PKHD1L1: variants seen among roughly 807,000 people sequenced by gnomAD.
PKHD1L1 encodes the protein PKHD1 like 1.
A neutral mutation model predicts 462.9 loss-of-function variants in PKHD1L1; 434 were observed. That is an observed-to-expected ratio of 0.94 (90% CI 0.87 to 1.02). The LOEUF (loss-of-function observed/expected upper bound fraction) is 1.02, where lower values mean the gene tolerates loss of function less well. Ranked by LOEUF, PKHD1L1 falls within the 50% of genes least tolerant of loss-of-function variation. The pLI is 0.00. For missense variants in PKHD1L1, 5,202 were observed against 5,096.1 expected, an observed-to-expected ratio of 1.02 and a Z score of -0.63; for synonymous variants, 1,781 against 1,750.0, an observed-to-expected ratio of 1.02 and a Z score of -0.44.
In PKHD1L1 at chr8:109,405,141, A is replaced by C; in HGVS notation, c.1669+11A>C. 1 of 1,397,736 alleles carries C rather than the reference A, an allele frequency of 7.2e-7. No homozygotes were observed. The highest frequency in any genetic ancestry group is 1.4e-5 in the African/African-American group (1 of 69,020). 86.6% of individuals were successfully genotyped at this position (1,397,736 alleles called of 1,614,324 possible). On this transcript the variant is annotated intron_variant, in intron 16 of 77. Transcript: ENST00000378402. ...ATATGGAAAAAACTGGTAAGTTATA[A>C]ATAATAAGGGAGATACTGTTTCTGT...
chr8:109,506,347 G>A (rs1819691634), intron 68 of PKHD1L1, among the ~76,000 whole-genome samples: 1 of 152,150 alleles, frequency 6.6e-6, no homozygotes, highest in African/African-American at 2.4e-5. Flanking sequence ...TGCAGTCCCT[G>A]TAAAATGACT....
intron 32 of PKHD1L1, 117 bp from the exon 33 acceptor site, chr8:109,440,593 A>G (rs1815722363): frequency 1.2e-6 from 1 of 836,444 alleles, no homozygotes; most frequent in African/African-American, 1.7e-5. Flanking sequence ...TGAAAAAGTA[A>G]TGTACAGTTA....
intron 67 of PKHD1L1, among the ~76,000 whole-genome samples, chr8:109,501,657 A>G (rs1758601102): frequency 6.6e-6 from 1 of 152,214 alleles, no homozygotes; most frequent in African/African-American, 2.4e-5. Flanking sequence ...GAAGGTGTCC[A>G]TACTGTTGGA....
At chr8:109,457,274 A>G (rs1028546482) in intron 46 of PKHD1L1, among the ~76,000 whole-genome samples, 4 of 152,136 alleles carry the variant, frequency 2.6e-5, no homozygotes, top group African/African-American at 9.7e-5. Flanking sequence ...AGTTATTAGG[A>G]AGAATTAAAT....
At chr8:109,486,930 A>G in intron 59 of PKHD1L1, 109 bp downstream of exon 59, 1 of 1,195,842 alleles carries the variant, frequency 8.4e-7, no homozygotes. Flanking sequence ...ATGTGGGAAA[A>G]TAAAGCATTA....
chr8:109,483,135 G>A (rs2130892846), intron 57 of PKHD1L1, 30 bp downstream of exon 57: 1 of 1,487,858 alleles, frequency 6.7e-7, no homozygotes, highest in Non-Finnish European at 9.1e-7. Flanking sequence ...AATGGAAAAT[G>A]AATATACACA....
chr8:109,387,307 G>T (rs564092319), intron 6 of PKHD1L1, among the ~76,000 whole-genome samples: 3 of 152,244 alleles, frequency 2.0e-5, no homozygotes, highest in Admixed American at 2.0e-4. Context: ...CAGGTAAAAA[G>T]AATTCTAAAA....
intron 48 of PKHD1L1, among the ~76,000 whole-genome samples, chr8:109,463,242 C>T (rs929021901): frequency 1.6e-4 from 24 of 151,954 alleles, no homozygotes; most frequent in African/African-American, 3.1e-4. Context: ...TGTATAATCA[C>T]GGTTTGGCAT....
intron 23 of PKHD1L1, among the ~76,000 whole-genome samples, chr8:109,424,253 G>T (rs921297243): frequency 1.3e-5 from 2 of 151,988 alleles, no homozygotes; most frequent in Admixed American, 6.6e-5. Context: ...ATTCAATTTT[G>T]TGAGATTCAC....
intron 38 of PKHD1L1, among the ~76,000 whole-genome samples, chr8:109,447,294 T>G (rs1249031800): frequency 6.6e-6 from 1 of 152,170 alleles, no homozygotes; most frequent in African/African-American, 2.4e-5. Context: ...CTGTCACGTT[T>G]AAAATAAAAT....
At chr8:109,411,091 A>G (rs1325203744) in intron 19 of PKHD1L1, among the ~76,000 whole-genome samples, 3 of 152,088 alleles carry the variant, frequency 2.0e-5, no homozygotes, top group Admixed American at 1.3e-4. Flanking sequence ...TTCAGAGATT[A>G]TAATTTATGG....
At chr8:109,471,015 C>T (rs1234021767) in intron 50 of PKHD1L1, 1 of 1,609,944 alleles carries the variant, frequency 6.2e-7, no homozygotes, top group Non-Finnish European at 8.5e-7. Context: ...CCAGTTGGGT[C>T]ACCACTTAAG....
chr8:109,492,706 T>C (rs985023830), intron 62 of PKHD1L1, among the ~76,000 whole-genome samples: 2 of 151,880 alleles, frequency 1.3e-5, no homozygotes, highest in Non-Finnish European at 2.9e-5. Flanking sequence ...AGGCTATCTA[T>C]GGCTTTTGAA....
rs761556541 is a variant in PKHD1L1, at chr8:109,522,282, C to T, written c.12128C>T (p.Ser4043Leu). Residue 4043 changes from serine (S) to leucine (L), a missense_variant, in exon 74 of 78, where the codon TCG becomes TTG. Coordinates refer to ENST00000378402, the MANE Select transcript of PKHD1L1 (RefSeq NM_177531.6). ...AGTAGTATCCTTGGATTTAACATTTCGTCCATGTCTATTACTAATCCCCTC... is the reference window on the plus strand; with the variant it reads ...AGTAGTATCCTTGGATTTAACATTTTGTCCATGTCTATTACTAATCCCCTC... ...NISSILGFNI[S>L]SMSITNPLPS... The T allele has an allele frequency of 1.1e-5, 17 of 1,606,710 alleles. No individual in the cohort carries two copies. Among genetic ancestry groups the T allele is most frequent in the African/African-American group, 5.4e-5 (4 of 74,586 alleles).
At chr8:109,406,775 C>T (rs1813573243) in intron 17 of PKHD1L1, among the ~76,000 whole-genome samples, 4 of 152,012 alleles carry the variant, frequency 2.6e-5, no homozygotes, top group Admixed American at 2.0e-4. Context: ...AGGCAAATCA[C>T]TATTGTCCAG....
intron 67 of PKHD1L1, among the ~76,000 whole-genome samples, chr8:109,502,431 C>G (rs1246343499): frequency 1.3e-5 from 2 of 152,170 alleles, no homozygotes; most frequent in African/African-American, 4.8e-5. Flanking sequence ...AAGGAATATA[C>G]CAGTTATACA....
chr8:109,390,868 G>T (rs1381424264), intron 9 of PKHD1L1, among the ~76,000 whole-genome samples: 1 of 152,082 alleles, frequency 6.6e-6, no homozygotes, highest in African/African-American at 2.4e-5. Context: ...ACCTGATAAA[G>T]ATTTTCTTTT....
chr8:109,494,073 C>T (rs1354195522), intron 63 of PKHD1L1, among the ~76,000 whole-genome samples: 1 of 151,868 alleles, frequency 6.6e-6, no homozygotes, highest in African/African-American at 2.4e-5. Context: ...TATAGAGATA[C>T]ATGTTGACAT....
At chr8:109,520,064 TG>T (rs776425594) in intron 73 of PKHD1L1, among the ~76,000 whole-genome samples, 1 of 152,116 alleles carries the variant, frequency 6.6e-6, no homozygotes, top group Non-Finnish European at 1.5e-5. Context: ...TTTCTTCCAT[TG>T]GGGGGATAAG....
Sources: gnomAD v4.1 joint callset for allele counts (sites outside exome capture counted in the v4.1 genomes callset) on GRCh38, gnomAD v4.1.1 for gene constraint, MANE v1.5 for transcripts, NCBI Gene and HGNC (gene_info 2026-07-23, HGNC 2026-07-21) for gene names.